TTBK2: variants seen among roughly 807,000 people sequenced by gnomAD.
The protein encoded by TTBK2 is tau-tubulin kinase 2.
Under a neutral mutation model 110.8 loss-of-function variants are expected in TTBK2, and 28 were observed. The ratio of observed to expected loss-of-function variants is 0.25; its 90% confidence interval spans 0.19 to 0.35. The LOEUF (loss-of-function observed/expected upper bound fraction) is 0.35. Among genes scored for constraint, TTBK2 ranks in the 10% least tolerant of loss-of-function variants. TTBK2 has a pLI of 1.00. For missense variants in TTBK2, 1,369 were observed against 1,500.3 expected (o/e 0.91, Z 1.45); for synonymous variants, 532 against 527.3 (o/e 1.01, Z -0.12).
At chr15:42,813,436 T>C (rs1020136762) in intron 7 of TTBK2, among the ~76,000 whole-genome samples, 15 of 152,038 alleles carry the variant, frequency 9.9e-5, no homozygotes, top group African/African-American at 3.6e-4. Flanking sequence ...GTGGGAGGGC[T>C]GCTTGAGCCC....
chr15:42,917,946 G>T (rs539818463), intron 1 of TTBK2, among the ~76,000 whole-genome samples: 1 of 151,524 alleles, frequency 6.6e-6, no homozygotes. Flanking sequence ...TTTTAAGTGT[G>T]GAAAGAAGTA....
chr15:42,784,875 T>TG (rs966055546), intron 10 of TTBK2, among the ~76,000 whole-genome samples: 3 of 152,152 alleles, frequency 2.0e-5, no homozygotes, highest in Non-Finnish European at 4.4e-5. Flanking sequence ...AATTTAGTCT[T>TG]GGAGTCACAG....
In TTBK2 at chr15:42,920,723, TGCC is replaced by T. The variant is rs948401115; in HGVS notation, c.-356_-354del. ...TTGTGCCAGCACCTGCTCCCCCTCC[TGCC>T]GCCGCCGCCGCCTCGTCCCCACCGC... On this transcript the variant is annotated 5_prime_UTR_variant, in exon 1 of 15. Transcript: ENST00000267890. 17 of 152,170 alleles carry T rather than the reference TGCC, an allele frequency of 1.1e-4. No homozygotes were observed. The highest frequency in any genetic ancestry group is 2.0e-4 in the East Asian group (1 of 4,942). The allele number at this position is 152,170 out of a possible 1,614,324, so 9.4% of individuals were successfully genotyped here.
At position 42,775,420 on chromosome 15, in the gene TTBK2, T is replaced by C; in HGVS notation, c.1713A>G (p.Gly571=). ...LQDFRTNEAV[G]HKTTGSPSDE... is the part of the protein sequence containing the mutation. ...CAGAAGGACTTCCAGTTGTTTTATG[T>C]CCTACAGCCTCATTTGTCCTAAAAT... The change falls in exon 13 of 15, where the codon GGA becomes GGG. Residue 571 remains glycine (G), a synonymous_variant. Transcript: ENST00000267890. The C allele has an allele frequency of 6.2e-7, 1 of 1,614,254 alleles. No homozygotes were observed. The highest frequency in any genetic ancestry group is 2.2e-5 in the East Asian group (1 of 44,896).
chr15:42,801,644 T>C (rs753010946), intron 9 of TTBK2: 6 of 854,896 alleles, frequency 7.0e-6, no homozygotes, highest in African/African-American at 5.0e-5. Context: ...GATGATGCTG[T>C]CCATGTCCAG....
intron 13 of TTBK2, among the ~76,000 whole-genome samples, chr15:42,763,103 CGT>C (rs2062057737): frequency 1.3e-5 from 1 of 78,498 alleles, no homozygotes; most frequent in Admixed American, 1.7e-4. Flanking sequence ...TATATATATA[CGT>C]ATATATATAT....
intron 13 of TTBK2, among the ~76,000 whole-genome samples, chr15:42,762,644 G>A (rs2062046328): frequency 1.3e-5 from 2 of 152,262 alleles, no homozygotes; most frequent in South Asian, 4.1e-4. Flanking sequence ...TTGAACCCGG[G>A]AGGTGGTGGC....
intron 2 of TTBK2, among the ~76,000 whole-genome samples, chr15:42,875,182 T>G (rs1324007065): frequency 6.6e-6 from 1 of 152,162 alleles, no homozygotes; most frequent in African/African-American, 2.4e-5. Flanking sequence ...GTAAATGTTC[T>G]TGCTTCTTAG....
Position 42,803,919 on chromosome 15 carries a change from T to C in TTBK2, c.822+6695A>G, listed in dbSNP as rs568046242. On this transcript the variant is annotated intron_variant, in intron 9 of 14. Coordinates refer to ENST00000267890, the MANE Select transcript of TTBK2 (RefSeq NM_173500.4). ...GTGCACACCTGTGGTCCTAGCTACT[T>C]GGGAGGCTGAGATGAGAGGATTGCT... Among the ~76,000 whole-genome samples the C allele has an allele frequency of 2.1e-5, 3 of 144,170 alleles. No homozygotes were observed. In the Admixed American group the frequency reaches 2.2e-4, roughly 11 times the overall value. The allele number at this position is 144,170 out of a possible 152,430, so 94.6% of individuals were successfully genotyped here.
chr15:42,790,856 T>C (rs1273318020), intron 10 of TTBK2, among the ~76,000 whole-genome samples: 1 of 151,796 alleles, frequency 6.6e-6, no homozygotes, highest in Non-Finnish European at 1.5e-5. Context: ...TGCGCCATCA[T>C]GCCCAGCTAA....
At chr15:42,909,688 C>T (rs1018367668) in intron 1 of TTBK2, among the ~76,000 whole-genome samples, 2 of 151,992 alleles carry the variant, frequency 1.3e-5, no homozygotes, top group Non-Finnish European at 2.9e-5. Context: ...TCACAAACTA[C>T]ACTGAAAAAA....
chr15:42,879,384 G>A (rs1382635692), intron 1 of TTBK2, among the ~76,000 whole-genome samples: 1 of 152,120 alleles, frequency 6.6e-6, no homozygotes, highest in African/African-American at 2.4e-5. Flanking sequence ...TAAATGTTGA[G>A]TATATTTAAG....
At chr15:42,776,968 A>G (rs1240912280) in intron 12 of TTBK2, 63 bp downstream of exon 12, 4 of 1,506,584 alleles carry the variant, frequency 2.7e-6, no homozygotes, top group East Asian at 4.5e-5. Context: ...AATAATAACA[A>G]CAATGACAAC....
chr15:42,821,484 A>G (rs990181294), intron 6 of TTBK2, among the ~76,000 whole-genome samples: 1 of 152,220 alleles, frequency 6.6e-6, no homozygotes, highest in African/African-American at 2.4e-5. Context: ...ATAAAGTCAT[A>G]TAACTACCAT....
At chr15:42,896,092 G>A (rs1001764587) in intron 1 of TTBK2, among the ~76,000 whole-genome samples, 1 of 152,076 alleles carries the variant, frequency 6.6e-6, no homozygotes, top group African/African-American at 2.4e-5. Context: ...TTGGGAGGCC[G>A]AGGCCTCAAG....
At chr15:42,834,499 T>A (rs80286443) in intron 4 of TTBK2, among the ~76,000 whole-genome samples, 7,123 of 152,218 alleles carry the variant, frequency 0.047, 436 homozygotes, top group African/African-American at 0.13. Context: ...AGAATGAGTC[T>A]GGTACTCAGT....
chr15:42,823,755 C>T (rs1302320585), intron 6 of TTBK2, among the ~76,000 whole-genome samples: 4 of 149,356 alleles, frequency 2.7e-5, no homozygotes, highest in African/African-American at 9.9e-5. Flanking sequence ...TTTTTTTTAG[C>T]TCATCAGCTA....
At chr15:42,824,433 G>A (rs1182519365) in intron 6 of TTBK2, among the ~76,000 whole-genome samples, 1 of 152,118 alleles carries the variant, frequency 6.6e-6, no homozygotes, top group African/African-American at 2.4e-5. Flanking sequence ...ATTATCACTG[G>A]AGGAAGCTGG....
At chr15:42,872,539 G>C (rs190545669) in intron 3 of TTBK2, 72 bp downstream of exon 3, 50 of 1,541,950 alleles carry the variant, frequency 3.2e-5, no homozygotes, top group Non-Finnish European at 4.1e-5. Flanking sequence ...ATGTAATTAA[G>C]GTTCAGGAAG....
Sources: allele counts gnomAD v4.1 joint callset (sites outside exome capture counted in the v4.1 genomes callset), GRCh38; gene constraint gnomAD v4.1.1; transcripts MANE v1.5; gene names NCBI Gene and HGNC (gene_info 2026-07-23, HGNC 2026-07-21).